Variants in ARSJ observed in about 807,000 individuals in gnomAD.
ARSJ encodes arylsulfatase family member J.
A neutral mutation model predicts 35.9 loss-of-function variants in ARSJ; 26 were observed. That is an observed-to-expected ratio of 0.72 (90% CI 0.53 to 1.00). The LOEUF is 1.00. ARSJ is among the 50% of genes least tolerant of loss of function. The pLI, the probability that ARSJ is intolerant of heterozygous loss-of-function variation, is 0.00. For missense variants in ARSJ, 667 were observed against 723.6 expected (o/e 0.92, Z 0.90); for synonymous variants, 294 against 267.6 (o/e 1.10, Z -0.96).
At chr4:113,971,826 T>C (rs1388839012) in intron 1 of ARSJ, among the ~76,000 whole-genome samples, 1 of 152,180 alleles carries the variant, frequency 6.6e-6, no homozygotes, top group Admixed American at 6.5e-5. Context: ...AAACTAGGCC[T>C]TGAATGAAAG....
intron 1 of ARSJ, among the ~76,000 whole-genome samples, chr4:113,949,365 G>A (rs1018339243): frequency 3.3e-5 from 5 of 151,950 alleles, no homozygotes; most frequent in Non-Finnish European, 7.4e-5. Context: ...ACAACAAAAC[G>A]AAATATGCTA....
intron 1 of ARSJ, among the ~76,000 whole-genome samples, chr4:113,928,665 C>A (rs908330486): frequency 6.6e-6 from 1 of 152,160 alleles, no homozygotes; most frequent in African/African-American, 2.4e-5. Context: ...GCCCCTGCCA[C>A]CTCAGGATCC....
chr4:113,974,765 T>G (rs964838878), intron 1 of ARSJ, among the ~76,000 whole-genome samples: 5 of 152,168 alleles, frequency 3.3e-5, no homozygotes, highest in African/African-American at 9.7e-5. Flanking sequence ...TTGAGCAGTA[T>G]CTACCAAAAC....
chr4:113,915,941 C>G (rs1723265760), intron 1 of ARSJ, among the ~76,000 whole-genome samples: 1 of 152,196 alleles, frequency 6.6e-6, no homozygotes, highest in African/African-American at 2.4e-5. Flanking sequence ...AGTGAGGGTT[C>G]ACTGCTTATA....
chr4:113,919,382 C>A (rs9995339), intron 1 of ARSJ, among the ~76,000 whole-genome samples: 88,387 of 152,068 alleles, frequency 0.58, 27,218 homozygotes, highest in Non-Finnish European at 0.68. Context: ...TCTATGTATT[C>A]ACATCTGCTT....
intron 1 of ARSJ, among the ~76,000 whole-genome samples, chr4:113,946,572 TACAC>T (rs138434069): frequency 6.1e-5 from 9 of 147,370 alleles, no homozygotes; most frequent in South Asian, 4.3e-4. Flanking sequence ...ACACACACCA[TACAC>T]ACACACACAC....
chr4:113,924,982 T>G (rs1723960604), intron 1 of ARSJ, among the ~76,000 whole-genome samples: 1 of 152,104 alleles, frequency 6.6e-6, no homozygotes, highest in Non-Finnish European at 1.5e-5. Context: ...GTCTGGAACA[T>G]TTGTAGTCCT....
Position 113,903,074 on chromosome 4 carries a change from C to A in ARSJ, c.1000G>T (p.Ala334Ser). ...YSSDNGGQPT[A>S]GGSNWPLRGS... The stretch of plus-strand genomic sequence containing the variant: ...CTGAGAGGCCAGTTACTCCCTCCTG[C>A]CGTAGGCTGGCCACCATTATCTGAA... The change falls in exon 2 of 2, where the codon GCA becomes TCA. Residue 334 changes from alanine to serine, a missense_variant. By Grantham distance (99) the Ala-to-Ser change is moderately conservative. Coordinates refer to ENST00000315366, the MANE Select transcript of ARSJ (RefSeq NM_024590.4). 6.2e-7 allele frequency: 1 copy of A among 1,614,178 alleles called. No homozygotes were observed. Among genetic ancestry groups the A allele is most frequent in the Non-Finnish European group, 8.5e-7 (1 of 1,180,012 alleles).
chr4:113,952,745 AG>A (rs539220179), intron 1 of ARSJ, among the ~76,000 whole-genome samples: 4 of 152,216 alleles, frequency 2.6e-5, no homozygotes, highest in African/African-American at 4.8e-5. Context: ...GGCTACTCTC[AG>A]GTTTACCCCG....
chr4:113,956,827 G>A (rs1726210443), intron 1 of ARSJ, among the ~76,000 whole-genome samples: 1 of 151,984 alleles, frequency 6.6e-6, no homozygotes, highest in Non-Finnish European at 1.5e-5. Flanking sequence ...GACTGCAGGG[G>A]CCGGTTTGAG....
chr4:113,949,032 C>T (rs1046780605), intron 1 of ARSJ, among the ~76,000 whole-genome samples: 3 of 152,112 alleles, frequency 2.0e-5, no homozygotes, highest in Non-Finnish European at 2.9e-5. Context: ...GAGTTCATGT[C>T]CTTTGCAGGA....
Position 113,935,932 on chromosome 4 carries a change from T to C in ARSJ, c.399-32257A>G, listed in dbSNP as rs118076970. On this transcript the variant is annotated intron_variant, in intron 1 of 1. Coordinates refer to ENST00000315366, the MANE Select transcript of ARSJ (RefSeq NM_024590.4). ...AATGTGTAATTTCTGGTGTACATAA[T>C]AGCTATTCAACAAATAAATGTATAA... Among the ~76,000 whole-genome samples, 79 of 152,106 alleles carry C rather than the reference T, an allele frequency of 5.2e-4. No individual in the cohort carries two copies. In the East Asian group the frequency reaches 0.013, roughly 25 times the overall value.
At chr4:113,930,738 T>C (rs10027824) in intron 1 of ARSJ, among the ~76,000 whole-genome samples, 120,346 of 148,880 alleles carry the variant, frequency 0.81, 48,883 homozygotes, top group African/African-American at 0.89. Flanking sequence ...ATGTTTATTG[T>C]GGCACTATTC....
intron 1 of ARSJ, among the ~76,000 whole-genome samples, chr4:113,919,020 CAGT>C (rs1421959708): frequency 6.6e-6 from 1 of 152,108 alleles, no homozygotes; most frequent in Non-Finnish European, 1.5e-5. Flanking sequence ...TAATTCATGT[CAGT>C]GGTGAAATTT....
intron 1 of ARSJ, among the ~76,000 whole-genome samples, chr4:113,919,759 T>A (rs902465259): frequency 6.6e-6 from 1 of 152,108 alleles, no homozygotes; most frequent in African/African-American, 2.4e-5. Flanking sequence ...AGTAATGCCT[T>A]AGAAAAGCAC....
intron 1 of ARSJ, among the ~76,000 whole-genome samples, chr4:113,922,304 G>A (rs1723732646): frequency 6.6e-6 from 1 of 152,100 alleles, no homozygotes; most frequent in South Asian, 2.1e-4. Flanking sequence ...ATTACTAAGA[G>A]TTTGTAATCA....
intron 1 of ARSJ, among the ~76,000 whole-genome samples, chr4:113,962,136 G>A (rs1726586674): frequency 6.6e-6 from 1 of 152,104 alleles, no homozygotes; most frequent in East Asian, 1.9e-4. Flanking sequence ...AAGGGAGAAT[G>A]GTGAATTCAC....
At chr4:113,967,926 T>A (rs1035625666) in intron 1 of ARSJ, among the ~76,000 whole-genome samples, 5 of 152,212 alleles carry the variant, frequency 3.3e-5, no homozygotes, top group South Asian at 4.1e-4. Flanking sequence ...TTAACATAGT[T>A]TTTGAATATT....
chr4:113,972,022 T>G (rs953209007), intron 1 of ARSJ, among the ~76,000 whole-genome samples: 11 of 152,228 alleles, frequency 7.2e-5, no homozygotes, highest in Non-Finnish European at 1.3e-4. Context: ...TTTCCAACAC[T>G]AGGACAATTA....
Sources: gnomAD v4.1 joint callset for allele counts (sites outside exome capture counted in the v4.1 genomes callset) on GRCh38, gnomAD v4.1.1 for gene constraint, MANE v1.5 for transcripts, NCBI Gene and HGNC (gene_info 2026-07-23, HGNC 2026-07-21) for gene names.